Variants in FMNL3 observed in about 807,000 individuals in gnomAD.
FMNL3 encodes the protein formin-like protein 3.
FMNL3 carries 57 observed loss-of-function variants against 119.6 expected under a neutral mutation model. The observed-to-expected ratio is 0.48, with a 90% CI of 0.39 to 0.59. FMNL3 has a LOEUF of 0.59. Ranked by LOEUF, FMNL3 falls within the 20% of genes least tolerant of loss-of-function variation. The pLI, the probability that FMNL3 is intolerant of heterozygous loss-of-function variation, is 0.00. For missense variants in FMNL3, 1,053 were observed against 1,323.5 expected (o/e 0.80, Z 3.17); for synonymous variants, 491 against 507.3 (o/e 0.97, Z 0.43).
intron 17 of FMNL3, 83 bp from the exon 18 acceptor site, chr12:49,650,008 G>A: frequency 1.6e-6 from 2 of 1,224,498 alleles, no homozygotes; most frequent in Non-Finnish European, 2.3e-6. Context: ...GCTCCTAGAA[G>A]AACTGGACAG....
intron 1 of FMNL3, among the ~76,000 whole-genome samples, chr12:49,684,334 T>C (rs1243472962): frequency 1.3e-5 from 2 of 152,188 alleles, no homozygotes; most frequent in African/African-American, 4.8e-5. Flanking sequence ...TTAGCCGCCC[T>C]GCCACAAAAT....
At chr12:49,689,325 T>C (rs1284403317) in intron 1 of FMNL3, among the ~76,000 whole-genome samples, 1 of 152,224 alleles carries the variant, frequency 6.6e-6, no homozygotes, top group Non-Finnish European at 1.5e-5. Context: ...ATCTCTCATA[T>C]ATATCAATCA....
intron 1 of FMNL3, among the ~76,000 whole-genome samples, chr12:49,677,494 G>A (rs1372696185): frequency 6.6e-6 from 1 of 152,164 alleles, no homozygotes. Context: ...ACCCCATAGT[G>A]TTGCTATGAT....
intron 11 of FMNL3, 146 bp downstream of exon 11, chr12:49,654,046 T>C: frequency 8.7e-7 from 1 of 1,149,748 alleles, no homozygotes; most frequent in Non-Finnish European, 1.2e-6. Flanking sequence ...GGGAGTTAGC[T>C]GCAGAGGTCC....
At chr12:49,703,676 C>T (rs1944969849) in intron 1 of FMNL3, among the ~76,000 whole-genome samples, 1 of 152,086 alleles carries the variant, frequency 6.6e-6, no homozygotes, top group African/African-American at 2.4e-5. Context: ...GTAGGGAAGC[C>T]CTGAATTAAG....
Position 49,642,543 on chromosome 12 carries a change from G to C in FMNL3, c.*3272C>G. ...GGCGGTGTCCAGGCCAGGCTGAGTG[G>C]GGCCTAGTCTGATCAGCAGTGCTCT... On this transcript the variant is annotated 3_prime_UTR_variant, in exon 26 of 26. Transcript: ENST00000335154. The surrounding 1 kb of genome is among the most constrained non-coding windows in gnomAD (Gnocchi z 5.8). 1 of 1,609,384 alleles carries C rather than the reference G, an allele frequency of 6.2e-7. No homozygotes were observed. The highest frequency in any genetic ancestry group is 8.5e-7 in the Non-Finnish European group (1 of 1,175,954).
At chr12:49,653,430 C>T (rs1943470677) in intron 12 of FMNL3, 103 bp from the exon 13 acceptor site, 1 of 1,178,800 alleles carries the variant, frequency 8.5e-7, no homozygotes, top group South Asian at 1.2e-5. Context: ...CAACACAAGG[C>T]CACAAAGGCA....
At chr12:49,706,620 G>T (rs1243050454) in intron 1 of FMNL3, among the ~76,000 whole-genome samples, 1 of 152,172 alleles carries the variant, frequency 6.6e-6, no homozygotes, top group Non-Finnish European at 1.5e-5. Context: ...CATGTTCGCA[G>T]GAGAGGCGGT....
chr12:49,661,985 A>G lies in FMNL3; in HGVS notation c.433T>C (p.Phe145Leu). The change falls in exon 5 of 26, where the codon TTT (phenylalanine) becomes CTT (leucine). Residue 145 changes from phenylalanine to leucine, a missense_variant. Physicochemically the swap from Phe to Leu is conservative, Grantham distance 22. Coordinates refer to ENST00000335154, the MANE Select transcript of FMNL3 (RefSeq NM_175736.5). ...GLDVLVDYLS[F>L]AQCSVMFDFE... ...ACTCACATGACAGAACACTGGGCAAAGGACAGGTAATCCACCAGTACATCC... is the reference window on the plus strand; with the variant it reads ...ACTCACATGACAGAACACTGGGCAAGGGACAGGTAATCCACCAGTACATCC... 1.2e-6 allele frequency: 2 copies of G among 1,614,172 alleles called. No individual in the cohort carries two copies. Among genetic ancestry groups the G allele is most frequent in the Non-Finnish European group, 1.7e-6 (2 of 1,180,020 alleles).
rs1166630949 is a variant in FMNL3, at chr12:49,637,458, C to T, written c.*8357G>A. Reference sequence around the variant, plus strand: ...GTCTCACTCTCCCTATAACTGGCCTCTCCCTGCTCAGACCTTCCTGGACGA... The same window carrying T: ...GTCTCACTCTCCCTATAACTGGCCTTTCCCTGCTCAGACCTTCCTGGACGA... On this transcript the variant is annotated 3_prime_UTR_variant, in exon 26 of 26. Coordinates refer to ENST00000335154, the MANE Select transcript of FMNL3 (RefSeq NM_175736.5). 2 of 1,605,920 alleles carry T rather than the reference C, an allele frequency of 1.2e-6. No homozygotes were observed. Among genetic ancestry groups the T allele is most frequent in the Admixed American group, 1.7e-5 (1 of 59,984 alleles).
intron 1 of FMNL3, among the ~76,000 whole-genome samples, chr12:49,696,118 C>G (rs550511613): frequency 3.9e-5 from 6 of 152,248 alleles, no homozygotes; most frequent in African/African-American, 1.4e-4. Flanking sequence ...TACCAAAATC[C>G]CCAGATGCTC....
At chr12:49,675,600 G>C (rs1944164599) in intron 1 of FMNL3, among the ~76,000 whole-genome samples, 1 of 152,104 alleles carries the variant, frequency 6.6e-6, no homozygotes, top group Admixed American at 6.5e-5. Context: ...ATCTATATTT[G>C]CCCTTCCATT....
chr12:49,641,930 T>C lies in FMNL3; in HGVS notation c.*3885A>G. 1 of 1,613,520 alleles carries C rather than the reference T, an allele frequency of 6.2e-7. No individual in the cohort carries two copies. The highest frequency in any genetic ancestry group is 1.3e-5 in the African/African-American group (1 of 75,016). On this transcript the variant is annotated 3_prime_UTR_variant, in exon 26 of 26. Transcript: ENST00000335154. ...CAGGACCGGGGCTTCTGCGTGGAGG[T>C]GAACACGGCCTTTGAGGACTTCGCC...
chr12:49,694,349 G>C (rs1565897010), intron 1 of FMNL3, among the ~76,000 whole-genome samples: 1 of 152,194 alleles, frequency 6.6e-6, no homozygotes, highest in South Asian at 2.1e-4. Context: ...TTTAAGCAAG[G>C]AGTGGACAAT....
intron 1 of FMNL3, among the ~76,000 whole-genome samples, chr12:49,705,789 A>AC (rs1945033070): frequency 6.6e-6 from 1 of 152,154 alleles, no homozygotes; most frequent in South Asian, 2.1e-4. Flanking sequence ...TGCCAGCGAC[A>AC]CCACTTCCCC....
In FMNL3 at chr12:49,669,598, G is replaced by A. The variant is rs182738085; in HGVS notation, c.127-1044C>T. ...TGTAATCCCAGCACTTTGGGAGGCC[G>A]AGGTGGGCGGATCACTTGAGGCCAG... On this transcript the variant is annotated intron_variant, in intron 1 of 25. Coordinates refer to ENST00000335154, the MANE Select transcript of FMNL3 (RefSeq NM_175736.5). 6.8e-4 allele frequency among the ~76,000 whole-genome samples: 103 copies of A among 152,224 alleles called. 3 individuals carry two copies. The highest frequency in any genetic ancestry group is 5.6e-3 in the Admixed American group (86 of 15,292).
chr12:49,695,673 C>T (rs1337521505), intron 1 of FMNL3, among the ~76,000 whole-genome samples: 1 of 152,078 alleles, frequency 6.6e-6, no homozygotes, highest in East Asian at 1.9e-4. Flanking sequence ...TGAGCCATTC[C>T]TAAAAGGATG....
intron 16 of FMNL3, 59 bp downstream of exon 16, chr12:49,651,109 A>T: frequency 6.3e-7 from 1 of 1,591,606 alleles, no homozygotes; most frequent in Admixed American, 1.7e-5. Flanking sequence ...GAATCTCCTC[A>T]AAAGGCAACC....
chr12:49,652,623 C>T (rs1177217682), intron 13 of FMNL3, among the ~76,000 whole-genome samples: 1 of 152,188 alleles, frequency 6.6e-6, no homozygotes, highest in East Asian at 1.9e-4. Flanking sequence ...CCCCTATAAA[C>T]AAGACCCTGT....
Sources: gnomAD v4.1 joint callset for allele counts (sites outside exome capture counted in the v4.1 genomes callset) on GRCh38, gnomAD v4.1.1 for gene constraint, Gnocchi (gnomAD v3.1) non-coding constraint, MANE v1.5 for transcripts, NCBI Gene and HGNC (gene_info 2026-07-23, HGNC 2026-07-21) for gene names.